The following RIC3 variants were observed in gnomAD, a reference collection of about 807,000 sequenced individuals.
The protein encoded by RIC3 is protein RIC-3.
Under a neutral mutation model 27.3 loss-of-function variants are expected in RIC3, and 28 were observed. The ratio of observed to expected loss-of-function variants is 1.02; its 90% CI spans 0.76 to 1.41. RIC3 has a LOEUF of 1.41. Ranked by LOEUF, RIC3 falls within the 40% of genes most tolerant of loss-of-function variation. The pLI, the probability that RIC3 is intolerant of heterozygous loss-of-function variation, is 0.00. For missense variants in RIC3, 501 were observed against 444.7 expected (o/e 1.13, Z -1.14); for synonymous variants, 184 against 160.4 (o/e 1.15, Z -1.11).
intron 4 of RIC3, among the ~76,000 whole-genome samples, chr11:8,134,593 C>G (rs1288034820): frequency 6.6e-6 from 1 of 152,188 alleles, no homozygotes; most frequent in African/African-American, 2.4e-5. Flanking sequence ...AATGGTTGAA[C>G]TAGTTTATAG....
chr11:8,147,268 C>T (rs990081889), intron 1 of RIC3, among the ~76,000 whole-genome samples: 8 of 152,156 alleles, frequency 5.3e-5, no homozygotes, highest in East Asian at 1.9e-4. Context: ...CTAAGCTGTG[C>T]CCTGACCACC....
chr11:8,096,694 G>A, the RIC3 span: 1 of 1,607,484 alleles, frequency 6.2e-7, no homozygotes, highest in South Asian at 1.1e-5. Context: ...GGCATCTCCA[G>A]CAGCATGAGC....
intron 4 of RIC3, among the ~76,000 whole-genome samples, chr11:8,128,662 T>G (rs1947279879): frequency 6.6e-6 from 1 of 152,138 alleles, no homozygotes; most frequent in Non-Finnish European, 1.5e-5. Flanking sequence ...TTAGTTTGAT[T>G]GATCCCCATT....
rs1945159478 is a variant in RIC3 at position 8,110,827 on chromosome 11, G to A, written c.981C>T (p.Tyr327=). 1 of 1,614,136 alleles carries A rather than the reference G, an allele frequency of 6.2e-7. No homozygotes were observed. Among genetic ancestry groups the A allele is most frequent in the Non-Finnish European group, 8.5e-7 (1 of 1,180,024 alleles). Residue 327 remains tyrosine, a synonymous_variant, in exon 6 of 6, where the codon TAC becomes TAT. Transcript: ENST00000309737. ...AENAGFSADS[Y]PEQEETTKEE... is the part of the protein sequence containing the mutation. Reference sequence around the variant, plus strand: ...CTTTGGTGGTTTCCTCTTGCTCAGGGTAGCTATCTGCACTGAATCCAGCAT... The same window carrying A: ...CTTTGGTGGTTTCCTCTTGCTCAGGATAGCTATCTGCACTGAATCCAGCAT...
the RIC3 span, among the ~76,000 whole-genome samples, chr11:8,099,405 G>A: frequency 1.3e-5 from 2 of 152,204 alleles, no homozygotes; most frequent in Admixed American, 6.5e-5. Flanking sequence ...TAAAATCAGG[G>A]GTGGGTATCT....
chr11:8,157,842 C>G (rs989741440), intron 1 of RIC3, among the ~76,000 whole-genome samples: 2 of 152,148 alleles, frequency 1.3e-5, no homozygotes, highest in African/African-American at 4.8e-5. Flanking sequence ...ACCCACTTAC[C>G]TGTACGTTTC....
chr11:8,141,146 ACAT>A (rs1399054483), intron 1 of RIC3, among the ~76,000 whole-genome samples: 1 of 151,148 alleles, frequency 6.6e-6, no homozygotes, highest in Non-Finnish European at 1.5e-5. Flanking sequence ...TCACCAGCTA[ACAT>A]CATAATGACA....
At chr11:8,141,941 A>G (rs1949122896) in intron 1 of RIC3, among the ~76,000 whole-genome samples, 1 of 152,008 alleles carries the variant, frequency 6.6e-6, no homozygotes, top group Admixed American at 6.6e-5. Flanking sequence ...ATACATAACG[A>G]AACGAAGGCA....
intron 1 of RIC3, among the ~76,000 whole-genome samples, chr11:8,147,023 A>C (rs1002266142): frequency 3.3e-5 from 5 of 152,180 alleles, no homozygotes; most frequent in Admixed American, 6.5e-5. Context: ...TTTTATTCAA[A>C]GTCATCTTCC....
chr11:8,135,014 A>G (rs761289595), intron 4 of RIC3, among the ~76,000 whole-genome samples: 26 of 151,974 alleles, frequency 1.7e-4, no homozygotes, highest in Non-Finnish European at 3.4e-4. Flanking sequence ...CCATTTGTCA[A>G]TTTTGGTTTT....
intron 1 of RIC3, among the ~76,000 whole-genome samples, chr11:8,161,427 G>C (rs1396575473): frequency 6.6e-6 from 1 of 152,128 alleles, no homozygotes; most frequent in Non-Finnish European, 1.5e-5. Context: ...GAATAATCCA[G>C]ATGTCTCCCT....
chr11:8,165,737 T>C (rs1322667273), intron 1 of RIC3, among the ~76,000 whole-genome samples: 4 of 150,360 alleles, frequency 2.7e-5, no homozygotes, highest in Non-Finnish European at 5.9e-5. Flanking sequence ...ACTTCCCTCC[T>C]CTATGTTCTA....
the RIC3 span, among the ~76,000 whole-genome samples, chr11:8,099,383 T>C: frequency 6.6e-6 from 1 of 152,148 alleles, no homozygotes; most frequent in Non-Finnish European, 1.5e-5. Context: ...TTTGAACCTT[T>C]TTCTTCATTT....
intron 1 of RIC3, among the ~76,000 whole-genome samples, chr11:8,161,551 C>A (rs1381147413): frequency 6.6e-6 from 1 of 152,228 alleles, no homozygotes; most frequent in Admixed American, 6.5e-5. Context: ...TTTGGGAACT[C>A]CTCTCAACTC....
At chr11:8,137,214 G>C (rs1948522553) in intron 4 of RIC3, among the ~76,000 whole-genome samples, 164 bp downstream of exon 4, 1 of 152,130 alleles carries the variant, frequency 6.6e-6, no homozygotes, top group Admixed American at 6.5e-5. Context: ...AGTAGAGACA[G>C]GGTTTCATCA....
At chr11:8,162,728 C>T (rs936304404) in intron 1 of RIC3, among the ~76,000 whole-genome samples, 1 of 150,066 alleles carries the variant, frequency 6.7e-6, no homozygotes, top group African/African-American at 2.5e-5. Flanking sequence ...TCACTGCAAC[C>T]TCCAACTCCC....
downstream of RIC3, chr11:8,101,831 A>G: frequency 2.8e-6 from 2 of 714,496 alleles, no homozygotes; most frequent in South Asian, 2.0e-5. Flanking sequence ...GGTGGGTGTG[A>G]AGGGATGAGA....
the RIC3 span, chr11:8,093,934 G>A: frequency 1.5e-5 from 19 of 1,275,202 alleles, no homozygotes; most frequent in Non-Finnish European, 1.9e-5. Context: ...GGGCCCTGGT[G>A]GGACTCGGGG....
chr11:8,111,006 T>A lies in RIC3; in HGVS notation c.802A>T (p.Ile268Leu). The change falls in exon 6 of 6, where the codon ATA becomes TTA. Residue 268 changes from isoleucine (I) to leucine (L), a missense_variant. Physicochemically the swap from Ile to Leu is conservative, Grantham distance 5 (BLOSUM62 2). Transcript: ENST00000309737. ...AAATGATCTGATTCTTCCTCTTCTA[T>A]CATTCCCATTCTTTCAGCTATTTCT... ...AEEIAERMGM[I>L]EEEESDHLGW... is the part of the protein sequence containing the mutation. 6.2e-7 allele frequency: 1 copy of A among 1,614,228 alleles called. No homozygotes were observed. Among genetic ancestry groups the A allele is most frequent in the South Asian group, 1.1e-5 (1 of 91,082 alleles).
Sources: allele counts gnomAD v4.1 joint callset (sites outside exome capture counted in the v4.1 genomes callset), GRCh38; gene constraint gnomAD v4.1.1; transcripts MANE v1.5; gene names NCBI Gene and HGNC (gene_info 2026-07-23, HGNC 2026-07-21).